CACNA1E: variants seen among roughly 807,000 people sequenced by gnomAD.
CACNA1E encodes voltage-dependent R-type calcium channel subunit alpha-1E.
In CACNA1E, 40 loss-of-function variants were observed where a neutral mutation model predicts 259.2. The ratio of observed to expected loss-of-function variants is 0.15; its 90% CI spans 0.12 to 0.20. The LOEUF is 0.20. Among genes scored for constraint, CACNA1E ranks in the 10% least tolerant of loss-of-function variants. The pLI, the probability that CACNA1E is intolerant of heterozygous loss-of-function variation, is 1.00. For missense variants in CACNA1E, 1,874 were observed against 3,040.1 expected, an observed-to-expected ratio of 0.62 and a Z score of 9.02; for synonymous variants, 1,104 against 1,138.5, an observed-to-expected ratio of 0.97 and a Z score of 0.61.
intron 2 of CACNA1E, among the ~76,000 whole-genome samples, chr1:181,437,053 C>T (rs1012044877): frequency 1.3e-4 from 20 of 151,932 alleles, no homozygotes; most frequent in African/African-American, 4.6e-4. Flanking sequence ...CATTAAAACA[C>T]GAAAAACCAA....
At chr1:181,329,425 T>C (rs1040779819) in intron 1 of CACNA1E, among the ~76,000 whole-genome samples, 2 of 152,204 alleles carry the variant, frequency 1.3e-5, no homozygotes. Flanking sequence ...CCATGGTCTC[T>C]GTGCCCTGCA....
intron 1 of CACNA1E, among the ~76,000 whole-genome samples, chr1:181,322,787 T>C (rs1364145092): frequency 6.6e-6 from 1 of 152,106 alleles, no homozygotes; most frequent in African/African-American, 2.4e-5. Flanking sequence ...AGTTGAAAAA[T>C]AAAATTTCCT....
intron 1 of CACNA1E, among the ~76,000 whole-genome samples, chr1:181,349,080 G>C (rs1051563470): frequency 1.3e-5 from 2 of 149,536 alleles, no homozygotes. Context: ...TCCTTGGGGA[G>C]CTCTTGGGGA....
chr1:181,692,404 A>G (rs1032241230), intron 7 of CACNA1E, among the ~76,000 whole-genome samples: 14 of 152,294 alleles, frequency 9.2e-5, no homozygotes, highest in Middle Eastern at 3.4e-3. Context: ...TTCAAACTAT[A>G]TTATAAGACT....
At chr1:181,640,576 A>G (rs536716350) in intron 6 of CACNA1E, among the ~76,000 whole-genome samples, 69 of 152,332 alleles carry the variant, frequency 4.5e-4, no homozygotes, top group South Asian at 2.5e-3. Flanking sequence ...TCAATGATAA[A>G]TTAATTCGCC....
At chr1:181,520,128 G>A (rs1019859782) in intron 3 of CACNA1E, among the ~76,000 whole-genome samples, 1 of 152,120 alleles carries the variant, frequency 6.6e-6, no homozygotes, top group African/African-American at 2.4e-5. Flanking sequence ...ATTGGCACTT[G>A]CACATATTAT....
chr1:181,644,265 C>T (rs1658061201), intron 6 of CACNA1E, among the ~76,000 whole-genome samples: 2 of 152,114 alleles, frequency 1.3e-5, no homozygotes, highest in Admixed American at 1.3e-4. Context: ...AAGAAGTTGA[C>T]CCATTTTGGT....
chr1:181,785,034 T>C (rs1359400362), intron 41 of CACNA1E, among the ~76,000 whole-genome samples: 1 of 152,130 alleles, frequency 6.6e-6, no homozygotes, highest in Non-Finnish European at 1.5e-5. Context: ...CACTTAGCTA[T>C]AGAGATTTAG....
intron 1 of CACNA1E, among the ~76,000 whole-genome samples, chr1:181,408,033 C>T (rs889747679): frequency 1.3e-5 from 2 of 152,174 alleles, no homozygotes; most frequent in African/African-American, 4.8e-5. Context: ...GTATGCCTAC[C>T]ACTCACCTCG....
At chr1:181,525,144 G>A (rs1352161556) in intron 3 of CACNA1E, among the ~76,000 whole-genome samples, 1 of 152,166 alleles carries the variant, frequency 6.6e-6, no homozygotes, top group East Asian at 1.9e-4. Context: ...CATTTGATCA[G>A]AAGAAAAAAC....
intron 37 of CACNA1E, 78 bp downstream of exon 37, chr1:181,772,309 A>G (rs374644433): frequency 6.2e-6 from 9 of 1,440,900 alleles, no homozygotes; most frequent in East Asian, 2.3e-5. Flanking sequence ...TAGACCGGAG[A>G]TGTTTGCTTC....
chr1:181,321,731 G>C (rs1211464090), intron 1 of CACNA1E, among the ~76,000 whole-genome samples: 2 of 152,156 alleles, frequency 1.3e-5, no homozygotes, highest in African/African-American at 2.4e-5. Context: ...AGCATGGCTG[G>C]GGGGAAAGGA....
At chr1:181,319,297 A>T (rs1208095143) in intron 1 of CACNA1E, among the ~76,000 whole-genome samples, 1 of 152,244 alleles carries the variant, frequency 6.6e-6, no homozygotes, top group African/African-American at 2.4e-5. Flanking sequence ...CTGCAAGGAA[A>T]GGATGTTTCT....
intron 2 of CACNA1E, among the ~76,000 whole-genome samples, chr1:181,435,515 ATTAT>A (rs1300255208): frequency 1.3e-5 from 2 of 151,950 alleles, no homozygotes; most frequent in East Asian, 1.9e-4. Flanking sequence ...TGTGTAGCTG[ATTAT>A]TTATTTATTT....
chr1:181,444,278 A>G (rs1480811815), intron 2 of CACNA1E, among the ~76,000 whole-genome samples: 1 of 151,942 alleles, frequency 6.6e-6, no homozygotes, highest in East Asian at 1.9e-4. Context: ...TGACCAAAGC[A>G]TTCACTCAAC....
chr1:181,621,157 G>A (rs779901638), intron 6 of CACNA1E, among the ~76,000 whole-genome samples: 3 of 152,230 alleles, frequency 2.0e-5, no homozygotes, highest in Non-Finnish European at 4.4e-5. Flanking sequence ...TGACAAAAAT[G>A]TGTGGGCTGT....
At chr1:181,458,684 A>G (rs1183091040) in intron 2 of CACNA1E, among the ~76,000 whole-genome samples, 1 of 152,190 alleles carries the variant, frequency 6.6e-6, no homozygotes, top group Admixed American at 6.5e-5. Flanking sequence ...AAACTTTTGT[A>G]TGGGCCCTTG....
At position 181,485,852 on chromosome 1, in the gene CACNA1E, C is replaced by G. The variant is rs1222632376; in HGVS notation, c.266+1842C>G. Among the ~76,000 whole-genome samples, 4 of 152,354 alleles carry G rather than the reference C, an allele frequency of 2.6e-5. No individual in the cohort carries two copies. In the East Asian group the frequency reaches 7.7e-4, roughly 29 times the overall value. ...TATTCAGACAGGCGCCCTCCCGTTT[C>G]TTTGCGGTAGACAAAGCCGCCCAAC... On this transcript the variant is annotated intron_variant, in intron 1 of 47. Coordinates refer to ENST00000367573, the MANE Select transcript of CACNA1E (RefSeq NM_001205293.3). The surrounding 1 kb of genome is among the most constrained non-coding windows in gnomAD (Gnocchi z 4.2).
intron 3 of CACNA1E, among the ~76,000 whole-genome samples, chr1:181,538,673 A>C (rs1265320138): frequency 6.6e-6 from 1 of 152,094 alleles, no homozygotes; most frequent in Non-Finnish European, 1.5e-5. Flanking sequence ...GGGAAAAAAA[A>C]AACACAGAGA....
Sources: gnomAD v4.1 joint callset for allele counts (sites outside exome capture counted in the v4.1 genomes callset) on GRCh38, gnomAD v4.1.1 for gene constraint, Gnocchi (gnomAD v3.1) non-coding constraint, MANE v1.5 for transcripts, NCBI Gene and HGNC (gene_info 2026-07-23, HGNC 2026-07-21) for gene names.